CDKL4: variants seen among roughly 807,000 people sequenced by gnomAD.
The protein encoded by CDKL4 is cyclin dependent kinase like 4, also known as cyclin-dependent kinase-like 4.
CDKL4 carries 44 observed loss-of-function variants against 42.0 expected under a neutral mutation model. The ratio of observed to expected loss-of-function variants is 1.05; its 90% CI spans 0.82 to 1.35. The LOEUF (loss-of-function observed/expected upper bound fraction) is 1.35. CDKL4 is among the 40% of genes most tolerant of loss of function. The pLI is 0.00. For missense variants in CDKL4, 393 were observed against 369.9 expected (o/e 1.06, Z -0.51); for synonymous variants, 120 against 121.6 (o/e 0.99, Z 0.09).
intron 7 of CDKL4, among the ~76,000 whole-genome samples, chr2:39,186,489 C>A (rs757023961): frequency 6.6e-6 from 1 of 152,120 alleles, no homozygotes; most frequent in Non-Finnish European, 1.5e-5. Context: ...CTTTAAAGAG[C>A]ATAGCCTGAA....
chr2:39,218,545 G>A (rs1424354695), intron 3 of CDKL4, among the ~76,000 whole-genome samples: 1 of 152,164 alleles, frequency 6.6e-6, no homozygotes, highest in East Asian at 1.9e-4. Flanking sequence ...GTCTGTGAGG[G>A]TGTTTCTGGA....
intron 5 of CDKL4, among the ~76,000 whole-genome samples, chr2:39,195,172 T>C (rs972549433): frequency 1.3e-5 from 2 of 152,270 alleles, no homozygotes; most frequent in African/African-American, 4.8e-5. Flanking sequence ...GATTTCATTA[T>C]ATGTATATAC....
intron 4 of CDKL4, among the ~76,000 whole-genome samples, chr2:39,204,948 G>C (rs1406244325): frequency 1.3e-5 from 2 of 151,840 alleles, no homozygotes; most frequent in African/African-American, 4.8e-5. Context: ...TGAGGCCGAG[G>C]CGGGAGGATA....
chr2:39,191,596 C>T (rs762518907), intron 5 of CDKL4, among the ~76,000 whole-genome samples: 10 of 152,206 alleles, frequency 6.6e-5, no homozygotes, highest in Non-Finnish European at 1.2e-4. Context: ...CAGCACTAGA[C>T]AATTGCATAA....
chr2:39,233,899 A>T (rs367785211), intron 1 of CDKL4, among the ~76,000 whole-genome samples: 1 of 130,318 alleles, frequency 7.7e-6, no homozygotes, highest in South Asian at 2.4e-4. Context: ...TATATATATA[A>T]ATTTTATTTT....
At chr2:39,230,288 C>A (rs1277934032) in intron 1 of CDKL4, among the ~76,000 whole-genome samples, 1 of 152,192 alleles carries the variant, frequency 6.6e-6, no homozygotes, top group African/African-American at 2.4e-5. Context: ...CCCTTGAACC[C>A]AGCTGAGATT....
At chr2:39,185,231 C>T (rs7588357) in intron 7 of CDKL4, among the ~76,000 whole-genome samples, 342 of 4,490 alleles carry the variant, frequency 0.076, 90 homozygotes, top group African/African-American at 0.16. Flanking sequence ...TATACACATA[C>T]GTATATATAC....
intron 4 of CDKL4, among the ~76,000 whole-genome samples, chr2:39,211,758 G>A (rs1381573486): frequency 2.0e-5 from 3 of 151,672 alleles, no homozygotes; most frequent in Admixed American, 6.6e-5. Context: ...GGGAAACAAC[G>A]TTGACAGGGA....
At chr2:39,214,948 A>G (rs1351303806) in intron 3 of CDKL4, among the ~76,000 whole-genome samples, 5 of 152,194 alleles carry the variant, frequency 3.3e-5, no homozygotes, top group Non-Finnish European at 7.3e-5. Flanking sequence ...ATTCTACTTT[A>G]TGTAACATCT....
chr2:39,218,012 C>T (rs1280990999), intron 3 of CDKL4, among the ~76,000 whole-genome samples: 1 of 151,616 alleles, frequency 6.6e-6, no homozygotes, highest in African/African-American at 2.4e-5. Flanking sequence ...GGATTACAGG[C>T]GTGAGCCACT....
At chr2:39,234,874 A>T (rs1433917333) in intron 1 of CDKL4, among the ~76,000 whole-genome samples, 1 of 151,376 alleles carries the variant, frequency 6.6e-6, no homozygotes, top group Non-Finnish European at 1.5e-5. Context: ...AAAGCTATAG[A>T]TAAACATTTA....
At chr2:39,175,796 A>T (rs1675139389) in exon 10 of CDKL4, 1 of 300,826 alleles carries the variant, frequency 3.3e-6, no homozygotes, top group South Asian at 3.0e-5. Context: ...GCTTTATAAC[A>T]TTTAAAGAAA....
chr2:39,229,968 C>T (rs1450853082), intron 1 of CDKL4, among the ~76,000 whole-genome samples: 2 of 152,184 alleles, frequency 1.3e-5, no homozygotes, highest in African/African-American at 4.8e-5. Context: ...CTCTTCTAAC[C>T]CAAGTGCATA....
intron 4 of CDKL4, among the ~76,000 whole-genome samples, chr2:39,205,954 C>G (rs1677155912): frequency 6.6e-6 from 1 of 152,042 alleles, no homozygotes. Context: ...TAACCTGGAA[C>G]GATCAGCAAC....
chr2:39,194,754 T>A (rs1238803752), intron 5 of CDKL4, among the ~76,000 whole-genome samples: 2 of 152,194 alleles, frequency 1.3e-5, no homozygotes, highest in Non-Finnish European at 1.5e-5. Flanking sequence ...TTTTTATCTC[T>A]CTGTGTATAT....
intron 4 of CDKL4, among the ~76,000 whole-genome samples, chr2:39,208,810 A>C (rs950099067): frequency 4.0e-5 from 6 of 151,808 alleles, no homozygotes; most frequent in African/African-American, 1.5e-4. Context: ...TGCACACCAG[A>C]AATTGCTTCT....
intron 8 of CDKL4, among the ~76,000 whole-genome samples, chr2:39,183,832 G>A (rs1382617012): frequency 1.3e-5 from 2 of 152,058 alleles, no homozygotes; most frequent in Non-Finnish European, 2.9e-5. Flanking sequence ...TGACTCTCAG[G>A]AGGACTTAGG....
chr2:39,181,242 T>A (rs142919952), intron 8 of CDKL4, among the ~76,000 whole-genome samples: 1,971 of 152,322 alleles, frequency 0.013, 24 homozygotes, highest in Non-Finnish European at 0.019. Context: ...TCCTCCCTCC[T>A]GGCCACTCCT....
intron 5 of CDKL4, among the ~76,000 whole-genome samples, chr2:39,201,492 T>A (rs780592731): frequency 5.3e-5 from 8 of 151,464 alleles, no homozygotes; most frequent in Non-Finnish European, 7.4e-5. Context: ...GGAAAAGAAG[T>A]CATTATATAA....
Sources: gnomAD v4.1 joint callset for allele counts (sites outside exome capture counted in the v4.1 genomes callset) on GRCh38, gnomAD v4.1.1 for gene constraint, MANE v1.5 for transcripts, NCBI Gene and HGNC (gene_info 2026-07-23, HGNC 2026-07-21) for gene names.